Variants in LAMC3 observed in about 807,000 individuals in gnomAD.
LAMC3 encodes the protein laminin subunit gamma 3.
In LAMC3, 128 loss-of-function variants were observed where a neutral mutation model predicts 173.8. The ratio of observed to expected loss-of-function variants is 0.74; its 90% CI spans 0.64 to 0.85. The LOEUF is 0.85. LAMC3 is among the 40% of genes least tolerant of loss of function. The pLI, the probability that LAMC3 is intolerant of heterozygous loss-of-function variation, is 0.00. For synonymous variants in LAMC3, 897 were observed against 909.1 expected (o/e 0.99, Z 0.24); for missense variants, 2,022 against 2,156.0 (o/e 0.94, Z 1.23).
chr9:131,032,093 A>G lies in LAMC3; in HGVS notation c.727A>G (p.Thr243Ala). Residue 243 changes from threonine (T) to alanine (A), a missense_variant, in exon 3 of 28, where the codon ACG (threonine) becomes GCG (alanine). Coordinates refer to ENST00000361069, the MANE Select transcript of LAMC3 (RefSeq NM_006059.4). ...CCTCATCTCTCTAGACCGGCTCAACACGTTTGGGGACGACATCTTCAAGGA... is the reference window on the plus strand; with the variant it reads ...CCTCATCTCTCTAGACCGGCTCAACGCGTTTGGGGACGACATCTTCAAGGA... ...ELLISLDRLN[T>A]FGDDIFKDPK... 2.5e-6 allele frequency: 4 copies of G among 1,613,488 alleles called. No individual in the cohort carries two copies. The highest frequency in any genetic ancestry group is 2.2e-5 in the East Asian group (1 of 44,814).
Position 131,045,655 on chromosome 9 carries a change from A to G in LAMC3, c.1514A>G (p.His505Arg), listed in dbSNP as rs1351959602. The G allele has an allele frequency of 6.2e-7, 1 of 1,614,066 alleles. No homozygotes were observed. Among genetic ancestry groups the G allele is most frequent in the African/African-American group, 1.3e-5 (1 of 75,030 alleles). ...GTGCATCACATCCTCAGCGATTTCCACCAGGGTAAGAGATGCTCCCTGCAA... is the reference window on the plus strand; with the variant it reads ...GTGCATCACATCCTCAGCGATTTCCGCCAGGGTAAGAGATGCTCCCTGCAA... The part of the protein sequence containing the change: ...FQVHHILSDF[H>R]QGAEGWWARS... Residue 505 changes from histidine (H) to arginine (R), a missense_variant, in exon 8 of 28, where the codon CAC becomes CGC. By Grantham distance (29) the His-to-Arg change is conservative. Coordinates refer to ENST00000361069, the MANE Select transcript of LAMC3 (RefSeq NM_006059.4).
intron 27 of LAMC3, among the ~76,000 whole-genome samples, chr9:131,089,470 T>G (rs1830386132): frequency 6.6e-6 from 1 of 151,914 alleles, no homozygotes; most frequent in African/African-American, 2.4e-5. Flanking sequence ...CTCAAACTCC[T>G]GGGCTCAAGC....
intron 7 of LAMC3, among the ~76,000 whole-genome samples, chr9:131,042,987 A>G (rs990785596): frequency 9.9e-5 from 15 of 151,770 alleles, no homozygotes; most frequent in African/African-American, 3.6e-4. Flanking sequence ...TCACTAAGGC[A>G]ACACTATCAC....
intron 14 of LAMC3, 150 bp from the exon 15 acceptor site, chr9:131,067,928 G>T: frequency 1.2e-6 from 1 of 854,510 alleles, no homozygotes; most frequent in Non-Finnish European, 1.9e-6. Context: ...TGGCCCTGGA[G>T]CCTTTTTCCA....
intron 2 of LAMC3, among the ~76,000 whole-genome samples, chr9:131,031,441 G>A (rs1339317097): frequency 6.6e-6 from 1 of 152,212 alleles, no homozygotes; most frequent in Non-Finnish European, 1.5e-5. Flanking sequence ...ACAAGTCCCT[G>A]CTCTCGTGGA....
rs760748692 is a variant in LAMC3 at position 131,072,845 on chromosome 9, G to A, written c.3417+10G>A. 4 of 1,606,814 alleles carry A rather than the reference G, an allele frequency of 2.5e-6. No individual in the cohort carries two copies. In the Admixed American group the frequency reaches 6.8e-5, roughly 27 times the overall value. ...CATTCTCGCGTCTCTGGTATCCCAG[G>A]GGACCCCCCTACCCGAACACACCAA... On this transcript the variant is annotated intron_variant, in intron 19 of 27. Transcript: ENST00000361069.
chr9:131,034,746 C>A (rs1833910097), intron 3 of LAMC3, among the ~76,000 whole-genome samples: 1 of 152,206 alleles, frequency 6.6e-6, no homozygotes, highest in African/African-American at 2.4e-5. Flanking sequence ...AGGACAGGGA[C>A]AGTGGTCGGG....
In LAMC3 at chr9:131,093,241, T is replaced by A. The variant is rs1312043952; in HGVS notation, c.*1454T>A. Reference sequence around the variant, plus strand: ...AGAGGGCTTTGCTGGGGTTGTGTGATCACAGGTACCTACCCTGTCCTCTCA... The same window carrying A: ...AGAGGGCTTTGCTGGGGTTGTGTGAACACAGGTACCTACCCTGTCCTCTCA... On this transcript the variant is annotated 3_prime_UTR_variant, in exon 28 of 28. Transcript: ENST00000361069. The A allele has an allele frequency of 6.6e-6, 1 of 152,180 alleles. No homozygotes were observed. The highest frequency in any genetic ancestry group is 1.5e-5 in the Non-Finnish European group (1 of 68,088). 9.4% of individuals were successfully genotyped at this position (152,180 alleles called of 1,614,324 possible).
In LAMC3 at chr9:131,067,379, A is replaced by G. The variant is rs3765566; in HGVS notation, c.2593+174A>G. On this transcript the variant is annotated intron_variant, in intron 14 of 27. Transcript: ENST00000361069. ...CTTCCTGTCTCCATGTCCAGAAAGC[A>G]CAAGGGTTTGCCCCTCTCCCAGGTC... Among the ~76,000 whole-genome samples, 17,074 of 152,150 alleles carry G rather than the reference A, an allele frequency of 0.11. 988 individuals carry two copies. Among genetic ancestry groups the G allele is most frequent in the South Asian group, 0.16 (749 of 4,820 alleles).
At chr9:131,059,023 C>A (rs1308332853) in intron 12 of LAMC3, among the ~76,000 whole-genome samples, 1 of 151,062 alleles carries the variant, frequency 6.6e-6, no homozygotes, top group Non-Finnish European at 1.5e-5. Context: ...CATGGTGAAA[C>A]CCTGTCTCTA....
intron 4 of LAMC3, among the ~76,000 whole-genome samples, chr9:131,037,024 G>GGCCCCGCTGTCCTCTT (rs1833958542): frequency 6.6e-6 from 1 of 152,232 alleles, no homozygotes; most frequent in Non-Finnish European, 1.5e-5. Context: ...TTGGCCTCTG[G>GGCCCCGCTGTCCTCTT]ACCCCGCTGT....
Position 131,045,513 on chromosome 9 carries a change from C to T in LAMC3, c.1383-11C>T. 1 of 1,613,312 alleles carries T rather than the reference C, an allele frequency of 6.2e-7. No individual in the cohort carries two copies. The highest frequency in any genetic ancestry group is 8.5e-7 in the Non-Finnish European group (1 of 1,180,038). On this transcript the variant is annotated splice_polypyrimidine_tract_variant and intron_variant, in intron 7 of 27. Coordinates refer to ENST00000361069, the MANE Select transcript of LAMC3 (RefSeq NM_006059.4). Reference sequence around the variant, plus strand: ...CGTGGCCCTCGTGGGCATGTCCTGCCTCCATTTCAGATGTCGCCCGGGGAC... The same window carrying T: ...CGTGGCCCTCGTGGGCATGTCCTGCTTCCATTTCAGATGTCGCCCGGGGAC...
intron 12 of LAMC3, among the ~76,000 whole-genome samples, chr9:131,060,266 T>C (rs1564380680): frequency 6.6e-6 from 1 of 152,150 alleles, no homozygotes; most frequent in Non-Finnish European, 1.5e-5. Flanking sequence ...TTCCTTTTGG[T>C]CCCTTGGCAT....
intron 13 of LAMC3, 31 bp downstream of exon 13, chr9:131,061,254 C>A: frequency 6.4e-7 from 1 of 1,570,048 alleles, no homozygotes; most frequent in East Asian, 2.3e-5. Context: ...AGCCCTGCCC[C>A]GCAGAGGGCC....
chr9:131,082,147 T>C lies in LAMC3; in HGVS notation c.4016T>C (p.Leu1339Pro), dbSNP rs1259739545. The change falls in exon 24 of 28, where the codon CTG becomes CCG. Residue 1339 changes from leucine (L) to proline (P), a missense_variant. Coordinates refer to ENST00000361069, the MANE Select transcript of LAMC3 (RefSeq NM_006059.4). ...TVTVMGARTL[L>P]ADLEGMKLQF... is the part of the protein sequence containing the mutation. ...ACTGTCATGGGAGCCAGGACTCTGCTGGCTGATCTGGAAGGTACGTGAGTC... is the reference window on the plus strand; with the variant it reads ...ACTGTCATGGGAGCCAGGACTCTGCCGGCTGATCTGGAAGGTACGTGAGTC... The C allele has an allele frequency of 6.2e-7, 1 of 1,613,192 alleles. No homozygotes were observed. The highest frequency in any genetic ancestry group is 8.5e-7 in the Non-Finnish European group (1 of 1,179,480).
In LAMC3 at chr9:131,045,548, G is replaced by A; in HGVS notation, c.1407G>A (p.Leu469=). 1.2e-6 allele frequency: 2 copies of A among 1,613,858 alleles called. No individual in the cohort carries two copies. Among genetic ancestry groups the A allele is most frequent in the Non-Finnish European group, 1.7e-6 (2 of 1,180,032 alleles). ...GATGTCGCCCGGGGACCTTTAACCTGCAGCCCCACAATCCAGCTGGCTGCA... is the reference window on the plus strand; with the variant it reads ...GATGTCGCCCGGGGACCTTTAACCTACAGCCCCACAATCCAGCTGGCTGCA... ...CDRCRPGTFN[L]QPHNPAGCSS... The change falls in exon 8 of 28, where the codon CTG becomes CTA. Residue 469 remains leucine (L), a synonymous_variant. Transcript: ENST00000361069.
In LAMC3 at chr9:131,067,079, A is replaced by G; in HGVS notation, c.2467A>G (p.Asn823Asp). Residue 823 changes from asparagine (N) to aspartate (D), a missense_variant, in exon 14 of 28, where the codon AAC becomes GAC. Asn to Asp is a conservative substitution (Grantham distance 23, BLOSUM62 1). Transcript: ENST00000361069. ...GAACGTGGACCCCAATGCCGTGGGC[A>G]ACTGTGACCCCCTGTCTGGCCACTG... ...SGNVDPNAVG[N>D]CDPLSGHCLR... is the part of the protein sequence containing the mutation. 1.9e-6 allele frequency: 3 copies of G among 1,614,074 alleles called. No homozygotes were observed. Among genetic ancestry groups the G allele is most frequent in the Non-Finnish European group, 2.5e-6 (3 of 1,180,002 alleles).
chr9:131,067,306 C>A, intron 14 of LAMC3, 101 bp downstream of exon 14: 3 of 1,471,440 alleles, frequency 2.0e-6, no homozygotes, highest in Non-Finnish European at 2.8e-6. Flanking sequence ...CCCACCAGAA[C>A]CAGCTGGCTC....
intron 6 of LAMC3, among the ~76,000 whole-genome samples, chr9:131,039,545 G>A (rs1834008046): frequency 6.6e-6 from 1 of 152,058 alleles, no homozygotes; most frequent in Non-Finnish European, 1.5e-5. Context: ...TGTTTGAGGT[G>A]GGGTGGGGGG....
Sources: allele counts gnomAD v4.1 joint callset (sites outside exome capture counted in the v4.1 genomes callset), GRCh38; gene constraint gnomAD v4.1.1; transcripts MANE v1.5; gene names NCBI Gene and HGNC (gene_info 2026-07-23, HGNC 2026-07-21).